The following CENPP variants were observed in gnomAD, a reference collection of about 807,000 sequenced individuals.
CENPP encodes the protein centromere protein P.
Under a neutral mutation model 35.6 loss-of-function variants are expected in CENPP, and 24 were observed. The ratio of observed to expected loss-of-function variants is 0.67; its 90% CI spans 0.49 to 0.95. The LOEUF is 0.95. CENPP is among the 40% of genes least tolerant of loss of function. The pLI, the probability that CENPP is intolerant of heterozygous loss-of-function variation, is 0.00. For synonymous variants in CENPP, 120 were observed against 125.5 expected (o/e 0.96, Z 0.29); for missense variants, 332 against 345.3 (o/e 0.96, Z 0.31).
intron 5 of CENPP, among the ~76,000 whole-genome samples, chr9:92,440,858 C>T (rs527287806): frequency 2.0e-5 from 3 of 152,172 alleles, no homozygotes; most frequent in African/African-American, 7.2e-5. Context: ...AAGGTAAAAC[C>T]GAGACTATTG....
At chr9:92,585,624 A>G (rs933439878) in intron 5 of CENPP, among the ~76,000 whole-genome samples, 1 of 152,228 alleles carries the variant, frequency 6.6e-6, no homozygotes, top group African/African-American at 2.4e-5. Flanking sequence ...AAGAATCAGT[A>G]TCTCCTCTGA....
At chr9:92,600,157 T>C in intron 5 of CENPP, 1 of 650,066 alleles carries the variant, frequency 1.5e-6, no homozygotes, top group Non-Finnish European at 2.2e-6. Flanking sequence ...TTAATGTAAT[T>C]TTCACATGTC....
At position 92,618,835 on chromosome 9, in the gene CENPP, G is replaced by A. The variant is rs774354132; in HGVS notation, c.*5686G>A. ...CAGCAACCAAGGTCATCTTGACCCA[G>A]GAACACATGTTAGAAGAATGTGGAA... is the stretch of plus-strand genomic sequence containing the variant. On this transcript the variant is annotated 3_prime_UTR_variant, in exon 8 of 8. Transcript: ENST00000375587. 2 of 352,670 alleles carry A rather than the reference G, an allele frequency of 5.7e-6. No individual in the cohort carries two copies. The highest frequency in any genetic ancestry group is 1.1e-5 in the Non-Finnish European group (2 of 179,722). 21.8% of individuals were successfully genotyped at this position (352,670 alleles called of 1,614,324 possible). A position where few individuals can be genotyped will look rare whatever the true frequency, so the allele number is the denominator to read the frequency against.
intron 5 of CENPP, among the ~76,000 whole-genome samples, chr9:92,490,921 T>A (rs763948427): frequency 1.3e-5 from 2 of 152,232 alleles, no homozygotes; most frequent in Non-Finnish European, 2.9e-5. Context: ...GGTTCCTTTC[T>A]TTTTTATTTA....
At chr9:92,438,962 C>T (rs556622936) in intron 5 of CENPP, among the ~76,000 whole-genome samples, 13 of 152,282 alleles carry the variant, frequency 8.5e-5, no homozygotes, top group Admixed American at 5.2e-4. Flanking sequence ...GTCAATCAAT[C>T]GGTCAATCAA....
chr9:92,347,919 CTTGTTTTGTT>C (rs916341148), intron 4 of CENPP, among the ~76,000 whole-genome samples: 2 of 151,824 alleles, frequency 1.3e-5, no homozygotes, highest in African/African-American at 4.8e-5. Context: ...TAAGACAAAA[CTTGTTTTGTT>C]TTGTTTTGTT....
chr9:92,368,818 C>G (rs559379692), intron 4 of CENPP, among the ~76,000 whole-genome samples: 14 of 152,218 alleles, frequency 9.2e-5, no homozygotes, highest in African/African-American at 3.1e-4. Context: ...ATGGGAGGAT[C>G]GCTTGAGCCC....
intron 5 of CENPP, among the ~76,000 whole-genome samples, chr9:92,410,144 G>T (rs1300416978): frequency 6.6e-6 from 1 of 152,108 alleles, no homozygotes. Context: ...CACCATGTTA[G>T]CCAGGGTGGT....
rs140821188 is a variant in CENPP at position 92,489,432 on chromosome 9, G to T, written c.564+109573G>T. ...GTGCAGACTGTCTTGCTATACTGTT[G>T]GTGACTCATTCAGCGGTTATTTCTA... On this transcript the variant is annotated intron_variant, in intron 5 of 7. Transcript: ENST00000375587. Among the ~76,000 whole-genome samples, 476 of 152,220 alleles carry T rather than the reference G, an allele frequency of 3.1e-3. 4 individuals are homozygous for T. Among genetic ancestry groups the T allele is most frequent in the African/African-American group, 0.011 (443 of 41,538 alleles).
intron 5 of CENPP, among the ~76,000 whole-genome samples, chr9:92,567,369 GATAGATATATAT>G (rs1849994524): frequency 9.6e-6 from 1 of 104,096 alleles, no homozygotes; most frequent in African/African-American, 2.9e-5. Flanking sequence ...AGTTACATAA[GATAGATATATAT>G]ATATATATAT....
At chr9:92,386,240 A>C (rs138221784) in intron 5 of CENPP, 506 of 1,613,484 alleles carry the variant, frequency 3.1e-4, no homozygotes, top group Non-Finnish European at 4.1e-4. Flanking sequence ...GTAAATTAAG[A>C]GGCACGGATT....
intron 5 of CENPP, among the ~76,000 whole-genome samples, chr9:92,407,205 TTTGA>T (rs960690529): frequency 3.9e-5 from 6 of 152,082 alleles, no homozygotes; most frequent in South Asian, 2.1e-4. Flanking sequence ...TATTAATAGG[TTTGA>T]TTGATTGATT....
At chr9:92,383,099 T>C (rs2130873040) in intron 5 of CENPP, among the ~76,000 whole-genome samples, 1 of 152,110 alleles carries the variant, frequency 6.6e-6, no homozygotes, top group East Asian at 1.9e-4. Context: ...AGTTTAACCA[T>C]GTTGGCCAGG....
intron 5 of CENPP, among the ~76,000 whole-genome samples, chr9:92,571,907 C>CTT (rs145507230): frequency 9.0e-4 from 115 of 127,116 alleles, no homozygotes; most frequent in African/African-American, 2.2e-3. Context: ...TGCAACTCCT[C>CTT]TTTTTTTTTT....
chr9:92,618,629 T>A lies in CENPP; in HGVS notation c.*5480T>A, dbSNP rs1851523842. 2.2e-6 allele frequency: 1 copy of A among 452,376 alleles called. No homozygotes were observed. Among genetic ancestry groups the A allele is most frequent in the Non-Finnish European group, 4.5e-6 (1 of 223,684 alleles). The allele number at this position is 452,376 out of a possible 1,614,324, so 28.0% of individuals were successfully genotyped here. On this transcript the variant is annotated 3_prime_UTR_variant, in exon 8 of 8. Coordinates refer to ENST00000375587, the MANE Select transcript of CENPP (RefSeq NM_001012267.3). ...TCCTCATAACTTAGCCCTGTAGGTA[T>A]TTCCTTAGGGGATAACAGGAGTTTT... is the stretch of plus-strand genomic sequence containing the variant.
chr9:92,587,671 G>A (rs909879440), intron 5 of CENPP, among the ~76,000 whole-genome samples: 3 of 152,180 alleles, frequency 2.0e-5, no homozygotes, highest in African/African-American at 7.2e-5. Flanking sequence ...AAATTAGATT[G>A]GTGGGTGGTG....
intron 5 of CENPP, among the ~76,000 whole-genome samples, chr9:92,461,118 T>C (rs1192375073): frequency 3.9e-5 from 6 of 152,180 alleles, no homozygotes; most frequent in Non-Finnish European, 8.8e-5. Flanking sequence ...CTCTTAATTA[T>C]TTATTGATCT....
chr9:92,414,487 T>C (rs1843529668), intron 5 of CENPP: 2 of 209,660 alleles, frequency 9.5e-6, no homozygotes, highest in Non-Finnish European at 9.7e-6. Flanking sequence ...AATACAGCTT[T>C]ATAATTTTGT....
intron 5 of CENPP, among the ~76,000 whole-genome samples, chr9:92,490,717 A>G (rs960306931): frequency 1.3e-5 from 2 of 152,232 alleles, no homozygotes; most frequent in Non-Finnish European, 2.9e-5. Context: ...TATTATGCAG[A>G]GCAATCAGAT....
Sources: allele counts gnomAD v4.1 joint callset (sites outside exome capture counted in the v4.1 genomes callset), GRCh38; gene constraint gnomAD v4.1.1; transcripts MANE v1.5; gene names NCBI Gene and HGNC (gene_info 2026-07-23, HGNC 2026-07-21).